Variants in RALYL observed in about 807,000 individuals in gnomAD.
RALYL encodes the protein RALY RNA binding protein like.
In RALYL, 29 loss-of-function variants were observed where a neutral mutation model predicts 35.1. That is an observed-to-expected ratio of 0.83 (90% CI 0.61 to 1.13). RALYL has a LOEUF of 1.13. RALYL is among the 50% of genes most tolerant of loss of function. RALYL has a pLI of 0.00. For synonymous variants in RALYL, 120 were observed against 127.6 expected, an observed-to-expected ratio of 0.94 and a Z score of 0.40; for missense variants, 359 against 360.4, an observed-to-expected ratio of 1.00 and a Z score of 0.03.
chr8:84,743,316 G>A (rs1362895839), intron 2 of RALYL, among the ~76,000 whole-genome samples: 2 of 151,760 alleles, frequency 1.3e-5, no homozygotes, highest in Non-Finnish European at 2.9e-5. Flanking sequence ...TTGCATTTGA[G>A]TTCTCCTTAG....
intron 2 of RALYL, among the ~76,000 whole-genome samples, chr8:84,561,935 C>T (rs188512847): frequency 4.9e-4 from 75 of 152,040 alleles, no homozygotes; most frequent in African/African-American, 1.5e-3. Flanking sequence ...TTACTAAAGC[C>T]GATATATCTA....
At chr8:84,399,867 G>A (rs755068326) in intron 1 of RALYL, among the ~76,000 whole-genome samples, 2 of 152,194 alleles carry the variant, frequency 1.3e-5, no homozygotes, top group Non-Finnish European at 2.9e-5. Context: ...CTTGGGGGCC[G>A]GGTGTGGTGG....
chr8:84,918,079 TAC>T (rs561323261), intron 8 of RALYL, among the ~76,000 whole-genome samples: 65 of 152,012 alleles, frequency 4.3e-4, no homozygotes, highest in South Asian at 1.2e-3. Context: ...CTGTCTTACC[TAC>T]AGTTTCTTTC....
intron 1 of RALYL, among the ~76,000 whole-genome samples, chr8:84,466,919 T>C (rs2051765819): frequency 6.6e-6 from 1 of 151,882 alleles, no homozygotes; most frequent in South Asian, 2.1e-4. Context: ...GATTTTCTAG[T>C]TTATTTGCGT....
At chr8:84,214,024 T>C (rs1820185288) in intron 1 of RALYL, among the ~76,000 whole-genome samples, 1 of 152,190 alleles carries the variant, frequency 6.6e-6, no homozygotes, top group Admixed American at 6.5e-5. Flanking sequence ...ATTAGCACAT[T>C]ATTTGGTTTT....
At chr8:84,615,459 T>C (rs1819289174) in intron 2 of RALYL, among the ~76,000 whole-genome samples, 1 of 143,650 alleles carries the variant, frequency 7.0e-6, no homozygotes, top group South Asian at 2.2e-4. Flanking sequence ...CCTGCTTAAA[T>C]GCTCAATAAA....
intron 8 of RALYL, among the ~76,000 whole-genome samples, chr8:84,889,686 C>T (rs746263208): frequency 3.9e-5 from 6 of 152,202 alleles, no homozygotes; most frequent in Non-Finnish European, 7.3e-5. Context: ...TTGCCTATCA[C>T]CACATAGCTC....
At chr8:84,372,886 G>GTTTTTTTTTTTTTTTTTTGTTTTTTTT (rs1856087131) in intron 1 of RALYL, among the ~76,000 whole-genome samples, 2 of 39,060 alleles carry the variant, frequency 5.1e-5, no homozygotes, top group Non-Finnish European at 4.5e-5. Flanking sequence ...GCCAGCATCT[G>GTTTTTTTTTTTTTTTTTTGTTTTTTTT]TTTTTTTTTT....
intron 2 of RALYL, among the ~76,000 whole-genome samples, chr8:84,757,139 T>G (rs1246190493): frequency 1.3e-5 from 2 of 152,156 alleles, no homozygotes; most frequent in Non-Finnish European, 2.9e-5. Flanking sequence ...TTTCTTAATA[T>G]GAATAAAATT....
intron 2 of RALYL, among the ~76,000 whole-genome samples, chr8:84,552,206 C>T (rs1404598697): frequency 6.7e-6 from 1 of 149,352 alleles, no homozygotes; most frequent in Admixed American, 6.7e-5. Context: ...TTGTGCAGAA[C>T]TGGGAGAACT....
chr8:84,308,171 A>G (rs1842171387), intron 1 of RALYL, among the ~76,000 whole-genome samples: 1 of 152,078 alleles, frequency 6.6e-6, no homozygotes, highest in Non-Finnish European at 1.5e-5. Context: ...GGAAAAAAAA[A>G]GGAACATAAA....
intron 1 of RALYL, among the ~76,000 whole-genome samples, chr8:84,489,837 A>G (rs1169658914): frequency 6.6e-6 from 1 of 152,076 alleles, no homozygotes; most frequent in Non-Finnish European, 1.5e-5. Context: ...GAAATAAACA[A>G]GTGTTGGCCA....
intron 1 of RALYL, among the ~76,000 whole-genome samples, chr8:84,274,197 A>G (rs1477511999): frequency 6.6e-6 from 1 of 152,190 alleles, no homozygotes; most frequent in East Asian, 1.9e-4. Flanking sequence ...GTGGTGATGC[A>G]TATGTGTGCC....
At chr8:84,885,588 C>G (rs1413745388) in intron 7 of RALYL, among the ~76,000 whole-genome samples, 3 of 152,078 alleles carry the variant, frequency 2.0e-5, no homozygotes, top group Non-Finnish European at 4.4e-5. Context: ...AAATTTGAAC[C>G]TAATAAGTTG....
chr8:84,527,188 G>C (rs563353406), intron 1 of RALYL, among the ~76,000 whole-genome samples: 1 of 152,266 alleles, frequency 6.6e-6, no homozygotes, highest in Non-Finnish European at 1.5e-5. Context: ...TAGATTTTAA[G>C]GTAAGTAAGA....
At chr8:84,377,088 CAG>C (rs1175223688) in intron 1 of RALYL, among the ~76,000 whole-genome samples, 1 of 151,764 alleles carries the variant, frequency 6.6e-6, no homozygotes, top group Admixed American at 6.6e-5. Context: ...ATAGACTAAA[CAG>C]ATATATTTTC....
At chr8:84,726,133 T>G (rs1038541505) in intron 2 of RALYL, among the ~76,000 whole-genome samples, 1 of 150,480 alleles carries the variant, frequency 6.6e-6, no homozygotes, top group African/African-American at 2.4e-5. Flanking sequence ...ATCATCATTT[T>G]GAATAATTGC....
chr8:84,880,244 A>G (rs1841941745), intron 7 of RALYL, among the ~76,000 whole-genome samples: 1 of 152,074 alleles, frequency 6.6e-6, no homozygotes, highest in African/African-American at 2.4e-5. Flanking sequence ...ATGGGCAGAG[A>G]AAGAATTTAC....
chr8:84,608,597 A>G (rs555610157), intron 2 of RALYL, among the ~76,000 whole-genome samples: 1 of 152,258 alleles, frequency 6.6e-6, no homozygotes, highest in South Asian at 2.1e-4. Context: ...CATTTGCTCC[A>G]TATTACTCCT....
Sources: gnomAD v4.1 joint callset for allele counts (sites outside exome capture counted in the v4.1 genomes callset) on GRCh38, gnomAD v4.1.1 for gene constraint, MANE v1.5 for transcripts, NCBI Gene and HGNC (gene_info 2026-07-23, HGNC 2026-07-21) for gene names.